The following NCAM2 variants were observed in gnomAD, a reference collection of about 807,000 sequenced individuals.
NCAM2 encodes the protein neural cell adhesion molecule 2, also known as N-CAM-2.
In NCAM2, 30 loss-of-function variants were observed where a neutral mutation model predicts 98.1. The ratio of observed to expected loss-of-function variants is 0.31; its 90% confidence interval spans 0.23 to 0.41. NCAM2 has a LOEUF of 0.41. Ranked by LOEUF, NCAM2 falls within the 10% of genes least tolerant of loss-of-function variation. The pLI is 1.00. For missense variants in NCAM2, 867 were observed against 1,005.8 expected (o/e 0.86, Z 1.87); for synonymous variants, 368 against 342.4 (o/e 1.07, Z -0.83).
chr21:21,316,341 A>G (rs1181289684), intron 5 of NCAM2, among the ~76,000 whole-genome samples: 1 of 152,124 alleles, frequency 6.6e-6, no homozygotes, highest in African/African-American at 2.4e-5. Flanking sequence ...ATATGTTTAC[A>G]TGTGCCATGT....
At chr21:21,412,173 A>C (rs572687115) in intron 10 of NCAM2, among the ~76,000 whole-genome samples, 2 of 152,274 alleles carry the variant, frequency 1.3e-5, no homozygotes, top group East Asian at 3.9e-4. Context: ...CTTTCTATAG[A>C]GGACTCTTCC....
At chr21:21,105,546 A>G (rs539480295) in intron 1 of NCAM2, among the ~76,000 whole-genome samples, 1 of 152,270 alleles carries the variant, frequency 6.6e-6, no homozygotes, top group South Asian at 2.1e-4. Context: ...CAAGAAAAAT[A>G]CAAGGCAAGT....
chr21:21,379,012 G>C (rs2076093232), intron 9 of NCAM2, among the ~76,000 whole-genome samples: 1 of 151,972 alleles, frequency 6.6e-6, no homozygotes, highest in African/African-American at 2.4e-5. Context: ...GACAATTTAT[G>C]TCTAAGCTTT....
intron 8 of NCAM2, among the ~76,000 whole-genome samples, chr21:21,339,539 A>G (rs1248537111): frequency 6.6e-6 from 1 of 151,958 alleles, no homozygotes; most frequent in East Asian, 1.9e-4. Flanking sequence ...AGGCTATTAC[A>G]TTGCTTTTCT....
At chr21:21,038,672 TGTAAGTCAGTTAAACC>T (rs1191446933) in intron 1 of NCAM2, among the ~76,000 whole-genome samples, 3 of 152,226 alleles carry the variant, frequency 2.0e-5, no homozygotes, top group Non-Finnish European at 4.4e-5. Context: ...CCTGCGGAAC[TGTAAGTCAGTTAAACC>T]ACTTTCCTTT....
chr21:21,072,001 C>T (rs1008756353), intron 1 of NCAM2, among the ~76,000 whole-genome samples: 2 of 150,080 alleles, frequency 1.3e-5, no homozygotes, highest in Non-Finnish European at 2.9e-5. Context: ...CAAGCTCCGC[C>T]TCCCGGGTTC....
At chr21:21,225,992 T>C (rs1258597413) in intron 1 of NCAM2, among the ~76,000 whole-genome samples, 2 of 152,178 alleles carry the variant, frequency 1.3e-5, no homozygotes, top group East Asian at 3.9e-4. Context: ...AAGAATGAAA[T>C]CATGTCCTTT....
At chr21:21,406,567 A>G (rs1168484245) in intron 9 of NCAM2, among the ~76,000 whole-genome samples, 1 of 152,114 alleles carries the variant, frequency 6.6e-6, no homozygotes, top group African/African-American at 2.4e-5. Flanking sequence ...CACTTTCTTG[A>G]TTGTCACTGG....
At chr21:21,305,021 G>A (rs1024478618) in intron 5 of NCAM2, among the ~76,000 whole-genome samples, 3 of 152,054 alleles carry the variant, frequency 2.0e-5, no homozygotes, top group African/African-American at 7.2e-5. Context: ...CTACATAAAT[G>A]ATAATATCAC....
chr21:21,318,860 G>A (rs1185116779), intron 5 of NCAM2, among the ~76,000 whole-genome samples: 1 of 152,078 alleles, frequency 6.6e-6, no homozygotes, highest in African/African-American at 2.4e-5. Flanking sequence ...TTTATATATT[G>A]ACATAAATAT....
chr21:21,359,045 A>G (rs1568976164), intron 8 of NCAM2, among the ~76,000 whole-genome samples: 1 of 152,044 alleles, frequency 6.6e-6, no homozygotes. Context: ...GATTGTAGAG[A>G]AGAATGCTGA....
chr21:21,143,223 T>G (rs2067205292), intron 1 of NCAM2, among the ~76,000 whole-genome samples: 2 of 152,214 alleles, frequency 1.3e-5, no homozygotes, highest in Admixed American at 6.5e-5. Context: ...TTTTTTCCAT[T>G]GGAAGATGTG....
chr21:21,053,619 C>T (rs563609705), intron 1 of NCAM2, among the ~76,000 whole-genome samples: 151 of 150,494 alleles, frequency 1.0e-3, no homozygotes, highest in African/African-American at 3.6e-3. Flanking sequence ...GCATATGCCC[C>T]TTTATATCAT....
At position 21,284,414 on chromosome 21, in the gene NCAM2, TTA is replaced by T; in HGVS notation, c.337+18_337+19del. The stretch of plus-strand genomic sequence containing the variant: ...TGGAAATTTACCGTAAGTAATGTAT[TTA>T]TATGTTTTAGTTTATTCAATTTCAG... On this transcript the variant is annotated intron_variant, in intron 3 of 17. Coordinates refer to ENST00000400546, the MANE Select transcript of NCAM2 (RefSeq NM_004540.5). The T allele has an allele frequency of 1.9e-6, 3 of 1,580,092 alleles. No individual in the cohort carries two copies. The highest frequency in any genetic ancestry group is 1.7e-6 in the Non-Finnish European group (2 of 1,151,536).
chr21:21,059,263 T>A (rs1042975397), intron 1 of NCAM2, among the ~76,000 whole-genome samples: 40 of 152,212 alleles, frequency 2.6e-4, no homozygotes, highest in African/African-American at 9.4e-4. Context: ...TTCTGCAATG[T>A]CATTTGATCC....
At chr21:21,414,502 G>A (rs1293414263) in intron 10 of NCAM2, among the ~76,000 whole-genome samples, 30 of 140,080 alleles carry the variant, frequency 2.1e-4, no homozygotes, top group African/African-American at 7.3e-4. Context: ...AGGGAGTCTC[G>A]CTCTGTCGCC....
intron 1 of NCAM2, among the ~76,000 whole-genome samples, chr21:21,274,306 G>A (rs2072640158): frequency 6.6e-6 from 1 of 152,044 alleles, no homozygotes; most frequent in South Asian, 2.1e-4. Flanking sequence ...CAGGTAAAGA[G>A]GAACTACACT....
chr21:21,334,267 A>G (rs558979969), intron 6 of NCAM2, among the ~76,000 whole-genome samples: 37 of 152,170 alleles, frequency 2.4e-4, no homozygotes, highest in African/African-American at 7.7e-4. Flanking sequence ...TAATTTTGCA[A>G]TCTTCCACTC....
intron 1 of NCAM2, among the ~76,000 whole-genome samples, chr21:21,069,115 A>G (rs2065504435): frequency 6.6e-6 from 1 of 152,206 alleles, no homozygotes; most frequent in Non-Finnish European, 1.5e-5. Flanking sequence ...GAGAATATTC[A>G]GAAACTCATG....
Sources: allele counts gnomAD v4.1 joint callset (sites outside exome capture counted in the v4.1 genomes callset), GRCh38; gene constraint gnomAD v4.1.1; transcripts MANE v1.5; gene names NCBI Gene and HGNC (gene_info 2026-07-23, HGNC 2026-07-21).